The following SYNE1 variants were observed in gnomAD, a reference collection of about 807,000 sequenced individuals.
The protein encoded by SYNE1 is spectrin repeat containing nuclear envelope protein 1, also known as nesprin-1.
In SYNE1, 616 loss-of-function variants were observed where a neutral mutation model predicts 1,111.0. That is an observed-to-expected ratio of 0.55 (90% CI 0.52 to 0.59). The LOEUF (loss-of-function observed/expected upper bound fraction) is 0.59, where lower values mean the gene tolerates loss of function less well. SYNE1 is among the 20% of genes least tolerant of loss of function. The pLI is 0.00. For synonymous variants in SYNE1, 3,855 were observed against 3,825.8 expected, an observed-to-expected ratio of 1.01 and a Z score of -0.28; for missense variants, 10,006 against 10,417.0, an observed-to-expected ratio of 0.96 and a Z score of 1.72.
At chr6:152,432,139 GTTC>G (rs2098435607) in intron 34 of SYNE1, among the ~76,000 whole-genome samples, 1 of 152,106 alleles carries the variant, frequency 6.6e-6, no homozygotes, top group African/African-American at 2.4e-5. Context: ...CCCAGCATAT[GTTC>G]TTATCATTTA....
At chr6:152,469,310 C>T (rs1012432170) in intron 16 of SYNE1, among the ~76,000 whole-genome samples, 6 of 151,868 alleles carry the variant, frequency 4.0e-5, no homozygotes, top group African/African-American at 1.5e-4. Context: ...AAATTCCTAC[C>T]ATTTCATTAT....
intron 112 of SYNE1, among the ~76,000 whole-genome samples, chr6:152,232,584 C>G (rs943542339): frequency 6.6e-6 from 1 of 152,026 alleles, no homozygotes; most frequent in South Asian, 2.1e-4. Flanking sequence ...AAAAACTTAA[C>G]CAGAAAACAT....
intron 78 of SYNE1, 104 bp from the exon 79 acceptor site, chr6:152,326,737 G>T: frequency 1.8e-6 from 2 of 1,084,604 alleles, no homozygotes; most frequent in Non-Finnish European, 2.7e-6. Context: ...TCTCATGGGC[G>T]TATGTGTGTA....
intron 2 of SYNE1, among the ~76,000 whole-genome samples, chr6:152,629,734 C>A (rs754254783): frequency 9.2e-5 from 14 of 151,990 alleles, no homozygotes; most frequent in Admixed American, 7.2e-4. Context: ...AAAGAAACGG[C>A]CTCCGAAGAG....
chr6:152,157,224 C>T (rs985927366), intron 131 of SYNE1, among the ~76,000 whole-genome samples: 2 of 152,158 alleles, frequency 1.3e-5, no homozygotes, highest in African/African-American at 4.8e-5. Flanking sequence ...CATATATATA[C>T]ACAATGGAAT....
rs571951279 is a variant in SYNE1 at position 152,278,280 on chromosome 6, T to G, written c.18382A>C (p.Asn6128His). The change falls in exon 98 of 146, where the codon AAT becomes CAT. Residue 6128 changes from asparagine (N) to histidine (H), a missense_variant and splice_region_variant. This residue lies in a region of SYNE1 where 99 missense variants were observed against 147.8 expected (regional missense o/e 0.67). Coordinates refer to ENST00000367255, the MANE Select transcript of SYNE1 (RefSeq NM_182961.4). ...DMEAQLMDCQ[N>H]MLVEIEQKVV... ...TTCTGCTCTATTTCCACCAGCATAT[T>G]CTGCAGCAACAGAAATAAGAATGAA... 2 of 1,614,052 alleles carry G rather than the reference T, an allele frequency of 1.2e-6. No individual in the cohort carries two copies. Among genetic ancestry groups the G allele is most frequent in the Non-Finnish European group, 1.7e-6 (2 of 1,180,014 alleles).
chr6:152,253,817 GGTTTTTTTTTTTTTTTTTTTTTTT>G (rs1291880771), intron 104 of SYNE1, among the ~76,000 whole-genome samples: 786 of 59,150 alleles, frequency 0.013, 37 homozygotes, highest in African/African-American at 0.054. Context: ...GTAGTGGTTT[GGTTTTTTTTTTTTTTTTTTTTTTT>G]TTTTTTTTTT....
chr6:152,245,508 C>A (rs899026303), intron 105 of SYNE1, among the ~76,000 whole-genome samples: 1 of 152,202 alleles, frequency 6.6e-6, no homozygotes, highest in Non-Finnish European at 1.5e-5. Flanking sequence ...TTCCTGAAAA[C>A]CCCCTACAGT....
chr6:152,484,054 A>AAAAAAAAAAC (rs1457765641), intron 13 of SYNE1, among the ~76,000 whole-genome samples: 2 of 150,690 alleles, frequency 1.3e-5, no homozygotes, highest in Non-Finnish European at 3.0e-5. Flanking sequence ...AAAAAAAAAA[A>AAAAAAAAAAC]AAAAAAAATT....
intron 145 of SYNE1, among the ~76,000 whole-genome samples, chr6:152,123,763 A>G (rs867817756): frequency 6.6e-6 from 1 of 152,224 alleles, no homozygotes; most frequent in Non-Finnish European, 1.5e-5. Context: ...AAGAGTTTTA[A>G]TATCACCAAG....
At chr6:152,298,813 A>T (rs1267017594) in intron 93 of SYNE1, among the ~76,000 whole-genome samples, 1 of 152,168 alleles carries the variant, frequency 6.6e-6, no homozygotes, top group East Asian at 1.9e-4. Context: ...GGCCGTAATG[A>T]TGGGGTTGAT....
intron 131 of SYNE1, among the ~76,000 whole-genome samples, chr6:152,162,406 GGGGTTTTAGTAGTA>G (rs772264716): frequency 2.0e-5 from 3 of 151,986 alleles, no homozygotes; most frequent in Non-Finnish European, 2.9e-5. Flanking sequence ...TCATTTTATT[GGGGTTTTAGTAGTA>G]GGTGGGGCTA....
At position 152,330,889 on chromosome 6, in the gene SYNE1, T is replaced by C. The variant is rs147595331; in HGVS notation, c.13796A>G (p.His4599Arg). 4.3e-6 allele frequency: 7 copies of C among 1,614,102 alleles called. No homozygotes were observed. In the African/African-American group the frequency reaches 6.7e-5, roughly 15 times the overall value. The change falls in exon 78 of 146, where the codon CAT becomes CGT. Residue 4599 changes from histidine (H) to arginine (R), a missense_variant. Physicochemically the swap from His to Arg is conservative, Grantham distance 29. Coordinates refer to ENST00000367255, the MANE Select transcript of SYNE1 (RefSeq NM_182961.4). ...GTTTTGGTATTTAGCCAGTTGTGTA[T>C]GAAGCTCAGAACTCTCATTCATTAG... ...INLMNESSEL[H>R]TQLAKYQNIL... is the part of the protein sequence containing the mutation.
intron 14 of SYNE1, among the ~76,000 whole-genome samples, chr6:152,479,786 G>T (rs933336007): frequency 6.6e-6 from 1 of 152,146 alleles, no homozygotes; most frequent in Non-Finnish European, 1.5e-5. Context: ...GAATACATAA[G>T]TTCTTACACA....
At chr6:152,532,746 C>T (rs950122282) in intron 4 of SYNE1, among the ~76,000 whole-genome samples, 1 of 152,172 alleles carries the variant, frequency 6.6e-6, no homozygotes, top group Non-Finnish European at 1.5e-5. Context: ...TAAACCACTA[C>T]TTCTGGTTTA....
At chr6:152,390,611 A>C (rs2097596965) in intron 52 of SYNE1, among the ~76,000 whole-genome samples, 159 bp from the exon 53 acceptor site, 1 of 152,236 alleles carries the variant, frequency 6.6e-6, no homozygotes, top group South Asian at 2.1e-4. Context: ...ATATTGACTC[A>C]AAATTAGGTA....
intron 3 of SYNE1, among the ~76,000 whole-genome samples, chr6:152,614,307 CA>C (rs1203672560): frequency 6.6e-6 from 1 of 152,078 alleles, no homozygotes; most frequent in Non-Finnish European, 1.5e-5. Context: ...ACAACCCCAT[CA>C]AAAAGTGGGC....
At position 152,381,164 on chromosome 6, in the gene SYNE1, T is replaced by A. The variant is rs1202916520; in HGVS notation, c.8851A>T (p.Met2951Leu). ...GAGAATTCCTGCTCCGAAAGGGCCA[T>A]CTGGCTGACCAGGTTCTCCAAACAG... ...QSCLENLVSQ[M>L]ALSEQEFSGQ... is the part of the protein sequence containing the mutation. The change falls in exon 56 of 146, where the codon ATG becomes TTG. Residue 2951 changes from methionine (M) to leucine (L), a missense_variant. Transcript: ENST00000367255. The A allele has an allele frequency of 1.9e-6, 3 of 1,614,234 alleles. No homozygotes were observed. Among genetic ancestry groups the A allele is most frequent in the Non-Finnish European group, 2.5e-6 (3 of 1,180,042 alleles).
chr6:152,395,608 C>A lies in SYNE1; in HGVS notation c.7620G>T (p.Thr2540=), dbSNP rs142663488. The change falls in exon 51 of 146, where the codon ACG becomes ACT. Residue 2540 remains threonine (T), a synonymous_variant. Transcript: ENST00000367255. ...GCTGTTTACTCTCTCCCAAGTTTTCCGTATTGAACCTTTCTTCCATTTCAT... is the reference window on the plus strand; with the variant it reads ...GCTGTTTACTCTCTCCCAAGTTTTCAGTATTGAACCTTTCTTCCATTTCAT... ...WIHEMEERFN[T]ENLGESKQHI... is the part of the protein sequence containing the mutation. 3.1e-6 allele frequency: 5 copies of A among 1,614,024 alleles called. No individual in the cohort carries two copies. The South Asian group carries it at 5.5e-5, about 18-fold the overall frequency.
Sources: gnomAD v4.1 joint callset for allele counts (sites outside exome capture counted in the v4.1 genomes callset) on GRCh38, gnomAD v4.1.1 for gene constraint, gnomAD v4.1.1 regional missense constraint, MANE v1.5 for transcripts, NCBI Gene and HGNC (gene_info 2026-07-23, HGNC 2026-07-21) for gene names.